Variants in NFX1 observed in about 807,000 individuals in gnomAD.
NFX1 encodes the protein transcriptional repressor NF-X1.
Under a neutral mutation model 137.2 loss-of-function variants are expected in NFX1, and 69 were observed. The ratio of observed to expected loss-of-function variants is 0.50; its 90% confidence interval spans 0.41 to 0.61. The LOEUF (loss-of-function observed/expected upper bound fraction) is 0.61. Among genes scored for constraint, NFX1 ranks in the 20% least tolerant of loss-of-function variants. The pLI, the probability that NFX1 is intolerant of heterozygous loss-of-function variation, is 0.00. For missense variants in NFX1, 1,167 were observed against 1,391.0 expected (o/e 0.84, Z 2.56); for synonymous variants, 495 against 474.1 (o/e 1.04, Z -0.57).
chr9:33,358,497 G>T lies in NFX1; in HGVS notation c.2873+3605G>T, dbSNP rs889428046. 7.9e-5 allele frequency among the ~76,000 whole-genome samples: 12 copies of T among 151,350 alleles called. No homozygotes were observed. In the South Asian group the frequency reaches 1.9e-3, roughly 24 times the overall value. On this transcript the variant is annotated intron_variant, in intron 19 of 23. Coordinates refer to ENST00000379540, the MANE Select transcript of NFX1 (RefSeq NM_002504.6). ...TTTTGTTTATTTTGTTTTTGACCAGGTTGACATCCTCAAAAAAAAATGCAA... is the reference window on the plus strand; with the variant it reads ...TTTTGTTTATTTTGTTTTTGACCAGTTTGACATCCTCAAAAAAAAATGCAA...
At chr9:33,337,041 G>T (rs1467344263) in intron 11 of NFX1, among the ~76,000 whole-genome samples, 1 of 152,088 alleles carries the variant, frequency 6.6e-6, no homozygotes, top group Admixed American at 6.5e-5. Context: ...GGCGGAGGTT[G>T]CAGTGAGCAA....
chr9:33,342,314 T>A (rs1040533511), intron 12 of NFX1, among the ~76,000 whole-genome samples: 2 of 151,784 alleles, frequency 1.3e-5, no homozygotes, highest in African/African-American at 4.8e-5. Context: ...ACAAAAAAAT[T>A]AGCCAGGCAT....
rs1399904690 is a variant in NFX1, at chr9:33,371,000, T to C, written c.*1022T>C. On this transcript the variant is annotated 3_prime_UTR_variant, in exon 24 of 24. Coordinates refer to ENST00000379540, the MANE Select transcript of NFX1 (RefSeq NM_002504.6). ...GCAGGTGCATTGATAGTTCCATTAG[T>C]GTGACCCTTGCATTGGCACCCCTCC... The C allele has an allele frequency of 6.6e-6, 1 of 152,298 alleles. No individual in the cohort carries two copies. The highest frequency in any genetic ancestry group is 1.5e-5 in the Non-Finnish European group (1 of 68,146). The allele number at this position is 152,298 out of a possible 1,614,324, so 9.4% of individuals were successfully genotyped here. A position where few individuals can be genotyped will look rare whatever the true frequency, so the allele number is the denominator to read the frequency against.
At chr9:33,298,022 T>C (rs535737981) in intron 2 of NFX1, among the ~76,000 whole-genome samples, 1 of 152,302 alleles carries the variant, frequency 6.6e-6, no homozygotes, top group East Asian at 1.9e-4. Flanking sequence ...TCATTCATAT[T>C]TGTTGCATAA....
intron 9 of NFX1, among the ~76,000 whole-genome samples, chr9:33,322,863 A>G (rs1822438513): frequency 6.6e-6 from 1 of 152,222 alleles, no homozygotes; most frequent in Admixed American, 6.5e-5. Flanking sequence ...AACAGTAACT[A>G]AACTGTAGGC....
At chr9:33,317,177 A>G (rs706129) in intron 7 of NFX1, among the ~76,000 whole-genome samples, 122,707 of 151,618 alleles carry the variant, frequency 0.81, 49,864 homozygotes, top group Non-Finnish European at 0.84. Flanking sequence ...CCAGCACTTT[A>G]GGAGGCCAGG....
intron 9 of NFX1, among the ~76,000 whole-genome samples, chr9:33,325,535 G>A (rs1330430325): frequency 6.6e-6 from 1 of 152,140 alleles, no homozygotes; most frequent in Non-Finnish European, 1.5e-5. Context: ...ATGGTGGCGG[G>A]CACCTGTAGT....
At chr9:33,323,117 A>G (rs1822446742) in intron 9 of NFX1, among the ~76,000 whole-genome samples, 1 of 152,188 alleles carries the variant, frequency 6.6e-6, no homozygotes, top group Non-Finnish European at 1.5e-5. Context: ...ATCAAGACAA[A>G]GAGAGCCCTG....
intron 9 of NFX1, among the ~76,000 whole-genome samples, chr9:33,324,415 G>A (rs1822503310): frequency 3.3e-5 from 5 of 152,214 alleles, no homozygotes; most frequent in Admixed American, 3.3e-4. Flanking sequence ...GCTGGGCATG[G>A]TGGCACACAC....
chr9:33,311,755 C>T (rs1290697371), intron 6 of NFX1, among the ~76,000 whole-genome samples: 1 of 152,124 alleles, frequency 6.6e-6, no homozygotes, highest in African/African-American at 2.4e-5. Flanking sequence ...ATTTCACCAT[C>T]TTGGCCAGGC....
chr9:33,320,501 C>T (rs757995287), intron 9 of NFX1, among the ~76,000 whole-genome samples: 1 of 152,138 alleles, frequency 6.6e-6, no homozygotes, highest in Non-Finnish European at 1.5e-5. Flanking sequence ...ATATTCTTAT[C>T]AGTGCTTTTA....
At position 33,290,998 on chromosome 9, in the gene NFX1, G is replaced by A. The variant is rs946785729; in HGVS notation, c.25+401G>A. ...TACCGCCTGGAGTGGTGGCGTGGGCGCGAGCCGAATTCCAGTAGTTTAGAG... is the reference window on the plus strand; with the variant it reads ...TACCGCCTGGAGTGGTGGCGTGGGCACGAGCCGAATTCCAGTAGTTTAGAG... On this transcript the variant is annotated intron_variant, in intron 1 of 23. Coordinates refer to ENST00000379540, the MANE Select transcript of NFX1 (RefSeq NM_002504.6). Among the ~76,000 whole-genome samples, 9 of 152,224 alleles carry A rather than the reference G, an allele frequency of 5.9e-5. 1 individual carries two copies. The highest frequency in any genetic ancestry group is 1.2e-4 in the Non-Finnish European group (8 of 68,040).
chr9:33,331,554 A>G (rs547419659), intron 10 of NFX1, among the ~76,000 whole-genome samples: 1 of 152,204 alleles, frequency 6.6e-6, no homozygotes, highest in Non-Finnish European at 1.5e-5. Flanking sequence ...CTTTTGCTTT[A>G]TATCTGTAGA....
chr9:33,358,899 A>G (rs551091405), intron 19 of NFX1, among the ~76,000 whole-genome samples: 84 of 150,782 alleles, frequency 5.6e-4, no homozygotes, highest in East Asian at 2.0e-4. Flanking sequence ...GCATCTCGCT[A>G]TGTTGGCCAG....
At chr9:33,309,083 C>T (rs534856121) in intron 5 of NFX1, among the ~76,000 whole-genome samples, 57 of 152,228 alleles carry the variant, frequency 3.7e-4, no homozygotes, top group African/African-American at 1.3e-3. Flanking sequence ...CCTGGCTGGG[C>T]GCGGTGGCTC....
chr9:33,370,828 T>C lies in NFX1; in HGVS notation c.*850T>C, dbSNP rs1824304187. The stretch of plus-strand genomic sequence containing the variant: ...AAGAGTCTCAAATGGACAACTGTCC[T>C]GTGTTGCTTTCCCTAGGCCTTCAGC... On this transcript the variant is annotated 3_prime_UTR_variant, in exon 24 of 24. Coordinates refer to ENST00000379540, the MANE Select transcript of NFX1 (RefSeq NM_002504.6). 6.6e-6 allele frequency: 1 copy of C among 152,490 alleles called. No individual in the cohort carries two copies. The highest frequency in any genetic ancestry group is 6.5e-5 in the Admixed American group (1 of 15,310). The allele number at this position is 152,490 out of a possible 1,614,324, so 9.4% of individuals were successfully genotyped here.
chr9:33,352,497 T>A, intron 16 of NFX1, 149 bp from the exon 17 acceptor site: 1 of 721,388 alleles, frequency 1.4e-6, no homozygotes. Flanking sequence ...TCAGTTTGCA[T>A]GTGTGGTTAG....
At position 33,370,674 on chromosome 9, in the gene NFX1, C is replaced by G. The variant is rs1824300330; in HGVS notation, c.*696C>G. 6.6e-6 allele frequency: 1 copy of G among 152,238 alleles called. No homozygotes were observed. The highest frequency in any genetic ancestry group is 2.4e-5 in the African/African-American group (1 of 41,436). The allele number at this position is 152,238 out of a possible 1,614,324, so 9.4% of individuals were successfully genotyped here. ...GCACTTCTCATACCACATCACTGAA[C>G]CTGTTCAGTAACAATCAGTTTGGCC... is the stretch of plus-strand genomic sequence containing the variant. On this transcript the variant is annotated 3_prime_UTR_variant, in exon 24 of 24. Coordinates refer to ENST00000379540, the MANE Select transcript of NFX1 (RefSeq NM_002504.6).
chr9:33,335,234 T>TTC, intron 11 of NFX1, among the ~76,000 whole-genome samples: 1 of 149,718 alleles, frequency 6.7e-6, no homozygotes, highest in Middle Eastern at 3.4e-3. Context: ...TTTCTTTTTT[T>TTC]TTTTTTTTTT....
Sources: gnomAD v4.1 joint callset for allele counts (sites outside exome capture counted in the v4.1 genomes callset) on GRCh38, gnomAD v4.1.1 for gene constraint, MANE v1.5 for transcripts, NCBI Gene and HGNC (gene_info 2026-07-23, HGNC 2026-07-21) for gene names.